The following ILRUN variants were observed in gnomAD, a reference collection of about 807,000 sequenced individuals.
ILRUN encodes the protein protein ILRUN.
ILRUN carries 3 observed loss-of-function variants against 33.8 expected under a neutral mutation model. The observed-to-expected ratio is 0.09, with a 90% CI of 0.04 to 0.23. ILRUN has a LOEUF of 0.23. ILRUN is among the 10% of genes least tolerant of loss of function. The pLI, the probability that ILRUN is intolerant of heterozygous loss-of-function variation, is 1.00. For synonymous variants in ILRUN, 124 were observed against 138.9 expected (o/e 0.89, Z 0.75); for missense variants, 210 against 375.1 (o/e 0.56, Z 3.64).
chr6:34,687,001 G>C (rs1446691941), intron 1 of ILRUN: 2 of 185,610 alleles, frequency 1.1e-5, no homozygotes, highest in Non-Finnish European at 2.3e-5. Flanking sequence ...TGAGGCTAGA[G>C]TGCATGGAAC....
In ILRUN at chr6:34,587,754, G is replaced by A. The variant is rs1761222127; in HGVS notation, c.*2811C>T. On this transcript the variant is annotated 3_prime_UTR_variant, in exon 5 of 5. Coordinates refer to ENST00000374023, the MANE Select transcript of ILRUN (RefSeq NM_024294.4). Reference sequence around the variant, plus strand: ...GTAGAAAAATGCCCCAAATTCAACTGTCCTCACGGCAAAAAGAAAAAAAGC... The same window carrying A: ...GTAGAAAAATGCCCCAAATTCAACTATCCTCACGGCAAAAAGAAAAAAAGC... 3 of 266,594 alleles carry A rather than the reference G, an allele frequency of 1.1e-5. No individual in the cohort carries two copies. The highest frequency in any genetic ancestry group is 6.7e-5 in the East Asian group (1 of 14,998). The allele number at this position is 266,594 out of a possible 1,614,324, so 16.5% of individuals were successfully genotyped here. A position where few individuals can be genotyped will look rare whatever the true frequency, so the allele number is the denominator to read the frequency against.
chr6:34,683,496 A>ACG (rs1763444279), intron 1 of ILRUN, among the ~76,000 whole-genome samples: 1 of 103,824 alleles, frequency 9.6e-6, no homozygotes, highest in African/African-American at 4.9e-5. Flanking sequence ...ACATATATAT[A>ACG]TACATATATA....
Position 34,589,855 on chromosome 6 carries a change from T to C in ILRUN, c.*710A>G, listed in dbSNP as rs1761262426. On this transcript the variant is annotated 3_prime_UTR_variant, in exon 5 of 5. Transcript: ENST00000374023. ...TCCTCTGCTGGCCACACAGGGAAGT[T>C]TGGTCTTCAGAGAGGTTCTGATGCT... The C allele has an allele frequency of 1.3e-5, 2 of 151,748 alleles. No homozygotes were observed. The highest frequency in any genetic ancestry group is 4.2e-4 in the South Asian group (2 of 4,794). 9.4% of individuals were successfully genotyped at this position (151,748 alleles called of 1,614,324 possible).
chr6:34,612,800 T>C (rs1761784908), intron 3 of ILRUN, among the ~76,000 whole-genome samples: 1 of 152,124 alleles, frequency 6.6e-6, no homozygotes, highest in Non-Finnish European at 1.5e-5. Context: ...CCCAGCATTT[T>C]GGGAGGCCAA....
chr6:34,614,296 C>T (rs997480057), intron 3 of ILRUN, among the ~76,000 whole-genome samples: 2 of 151,540 alleles, frequency 1.3e-5, no homozygotes, highest in African/African-American at 4.9e-5. Context: ...GTGGCGGGCA[C>T]CTGTAGTCCC....
intron 3 of ILRUN, chr6:34,616,937 T>C (rs555699558): frequency 1.0e-5 from 6 of 579,710 alleles, no homozygotes; most frequent in African/African-American, 5.5e-5. Flanking sequence ...ATATATTGCA[T>C]AGGAGTACCC....
chr6:34,669,257 G>A (rs1763066470), intron 1 of ILRUN, among the ~76,000 whole-genome samples: 1 of 151,006 alleles, frequency 6.6e-6, no homozygotes, highest in Admixed American at 6.6e-5. Context: ...CGGAGTAGCT[G>A]GGACTAAAGG....
In ILRUN at chr6:34,643,115, G is replaced by T. The variant is rs536631957; in HGVS notation, c.511+3486C>A. Reference sequence around the variant, plus strand: ...GTTCAAGAACAGCCTGGCCAACATGGTGAAACCCCGTCTCTACTGAAAATA... The same window carrying T: ...GTTCAAGAACAGCCTGGCCAACATGTTGAAACCCCGTCTCTACTGAAAATA... On this transcript the variant is annotated intron_variant, in intron 3 of 4. Transcript: ENST00000374023. Among the ~76,000 whole-genome samples the T allele has an allele frequency of 2.6e-5, 4 of 151,996 alleles. No individual in the cohort carries two copies. The South Asian group carries it at 8.3e-4, about 32-fold the overall frequency.
intron 1 of ILRUN, among the ~76,000 whole-genome samples, chr6:34,694,655 C>CA (rs1242261400): frequency 6.6e-6 from 1 of 152,116 alleles, no homozygotes; most frequent in Admixed American, 6.6e-5. Context: ...CTCCTGCATC[C>CA]AGTCAAAGAG....
chr6:34,598,459 T>C (rs1761446216), intron 4 of ILRUN, among the ~76,000 whole-genome samples: 1 of 152,236 alleles, frequency 6.6e-6, no homozygotes, highest in South Asian at 2.1e-4. Context: ...TTTGAACCTA[T>C]AAATTTCACG....
At chr6:34,631,731 G>A (rs1762249381) in intron 3 of ILRUN, among the ~76,000 whole-genome samples, 1 of 152,144 alleles carries the variant, frequency 6.6e-6, no homozygotes, top group African/African-American at 2.4e-5. Context: ...GGCTGCCAGG[G>A]GCTGCAGGAA....
At chr6:34,675,893 A>G (rs1236236312) in intron 1 of ILRUN, among the ~76,000 whole-genome samples, 1 of 152,206 alleles carries the variant, frequency 6.6e-6, no homozygotes, top group Non-Finnish European at 1.5e-5. Flanking sequence ...TAAAATGAAT[A>G]CATTTTAACC....
At chr6:34,615,860 A>T (rs1761878764) in intron 3 of ILRUN, among the ~76,000 whole-genome samples, 1 of 152,196 alleles carries the variant, frequency 6.6e-6, no homozygotes, top group Non-Finnish European at 1.5e-5. Flanking sequence ...CAGTCTTCAA[A>T]CTAGGGTTAC....
At chr6:34,650,787 G>A (rs901260316) in intron 2 of ILRUN, among the ~76,000 whole-genome samples, 4 of 152,220 alleles carry the variant, frequency 2.6e-5, no homozygotes, top group South Asian at 2.1e-4. Flanking sequence ...CGCAACGTTC[G>A]CCTTCTTCGG....
rs1762734089 is a variant in ILRUN at position 34,654,605 on chromosome 6, A to G, written c.313+20T>C. 1.9e-6 allele frequency: 3 copies of G among 1,586,236 alleles called. No individual in the cohort carries two copies. In the African/African-American group the frequency reaches 4.1e-5, roughly 22 times the overall value. The stretch of plus-strand genomic sequence containing the variant: ...GAAAATGAAAACTAGGCAAGGGAGG[A>G]TTGCCCATTATGTACTTACCAGAAT... On this transcript the variant is annotated intron_variant, in intron 2 of 4. Transcript: ENST00000374023.
At chr6:34,639,482 A>T (rs1371699504) in intron 3 of ILRUN, among the ~76,000 whole-genome samples, 1 of 152,324 alleles carries the variant, frequency 6.6e-6, no homozygotes, top group East Asian at 1.9e-4. Context: ...ACTGGCATCC[A>T]GGCTAAAACA....
chr6:34,660,443 G>C (rs1762866319), intron 1 of ILRUN, among the ~76,000 whole-genome samples: 1 of 150,466 alleles, frequency 6.6e-6, no homozygotes, highest in Non-Finnish European at 1.5e-5. Flanking sequence ...TTATTTATGA[G>C]AAAAAGAAAA....
Position 34,587,768 on chromosome 6 carries a change from A to C in ILRUN, c.*2797T>G, listed in dbSNP as rs554851602. 2 of 302,196 alleles carry C rather than the reference A, an allele frequency of 6.6e-6. No individual in the cohort carries two copies. The highest frequency in any genetic ancestry group is 3.2e-4 in the South Asian group (2 of 6,166). The allele number at this position is 302,196 out of a possible 1,614,324, so 18.7% of individuals were successfully genotyped here. On this transcript the variant is annotated 3_prime_UTR_variant, in exon 5 of 5. Coordinates refer to ENST00000374023, the MANE Select transcript of ILRUN (RefSeq NM_024294.4). ...CAAATTCAACTGTCCTCACGGCAAA[A>C]AGAAAAAAAGCATGCACACGTGCAC... is the stretch of plus-strand genomic sequence containing the variant.
intron 1 of ILRUN, among the ~76,000 whole-genome samples, chr6:34,692,161 G>A (rs9462003): frequency 0.16 from 24,952 of 151,940 alleles, 2,754 homozygotes; most frequent in African/African-American, 0.31. Context: ...TGGAGGTCTC[G>A]CTATCTTGCC....
Sources: allele counts gnomAD v4.1 joint callset (sites outside exome capture counted in the v4.1 genomes callset), GRCh38; gene constraint gnomAD v4.1.1; transcripts MANE v1.5; gene names NCBI Gene and HGNC (gene_info 2026-07-23, HGNC 2026-07-21).